PMPCB: variants seen among roughly 807,000 people sequenced by gnomAD.
The protein encoded by PMPCB is peptidase, mitochondrial processing subunit beta.
A neutral mutation model predicts 61.5 loss-of-function variants in PMPCB; 46 were observed. The observed-to-expected ratio is 0.75, with a 90% CI of 0.59 to 0.96. PMPCB has a LOEUF of 0.96. Ranked by LOEUF, PMPCB falls within the 40% of genes least tolerant of loss-of-function variation. The pLI is 0.00. For missense variants in PMPCB, 590 were observed against 602.4 expected, an observed-to-expected ratio of 0.98 and a Z score of 0.22; for synonymous variants, 191 against 201.6, an observed-to-expected ratio of 0.95 and a Z score of 0.44.
downstream of PMPCB, chr7:103,316,882 G>C: frequency 6.2e-7 from 1 of 1,613,924 alleles, no homozygotes; most frequent in Non-Finnish European, 8.5e-7. Flanking sequence ...AGTAATTGTA[G>C]ATCATCTTCT....
chr7:103,341,674 T>G, the PMPCB span: 1 of 1,123,916 alleles, frequency 8.9e-7, no homozygotes. Context: ...TGAATCATCT[T>G]AAAACATGTT....
At chr7:103,324,349 G>A in intron 12 of PMPCB, 1 of 683,064 alleles carries the variant, frequency 1.5e-6, no homozygotes. Flanking sequence ...TATCACATAG[G>A]TAACAGAGTG....
downstream of PMPCB, chr7:103,317,376 A>C: frequency 5.2e-6 from 1 of 190,804 alleles, no homozygotes; most frequent in East Asian, 1.3e-4. Flanking sequence ...AGACAATCTC[A>C]TTTATTCTCT....
At chr7:103,316,015 C>T (rs761281350), downstream of PMPCB, 1 of 1,600,628 alleles carries the variant, frequency 6.2e-7, no homozygotes, top group Non-Finnish European at 8.5e-7. Flanking sequence ...TTTGCTTTGC[C>T]AATAACATCT....
the PMPCB span, chr7:103,344,360 G>A: frequency 1.7e-6 from 1 of 604,232 alleles, no homozygotes; most frequent in East Asian, 2.9e-5. Context: ...CAAAAGGAAG[G>A]CACCCCTCAC....
intron 4 of PMPCB, among the ~76,000 whole-genome samples, chr7:103,301,091 A>G (rs940481114): frequency 3.9e-5 from 6 of 152,342 alleles, no homozygotes; most frequent in Middle Eastern, 3.4e-3. Context: ...GGCACTTAAC[A>G]CAAGTACTTT....
chr7:103,301,850 G>A (rs1016756500), intron 4 of PMPCB, among the ~76,000 whole-genome samples: 1 of 151,304 alleles, frequency 6.6e-6, no homozygotes, highest in Non-Finnish European at 1.5e-5. Context: ...TGTGTACAAC[G>A]TGCAGGTTTG....
downstream of PMPCB, among the ~76,000 whole-genome samples, chr7:103,317,681 C>T (rs943956950): frequency 6.6e-6 from 1 of 152,158 alleles, no homozygotes; most frequent in Non-Finnish European, 1.5e-5. Context: ...GGCAGAGTCT[C>T]ACTCTGTCGC....
chr7:103,314,454 T>C lies in PMPCB; in HGVS notation c.*2183T>C, dbSNP rs1441971962. 2 of 985,182 alleles carry C rather than the reference T, an allele frequency of 2.0e-6. No homozygotes were observed. Among genetic ancestry groups the C allele is most frequent in the Non-Finnish European group, 2.4e-6 (2 of 829,920 alleles). 61.0% of individuals were successfully genotyped at this position (985,182 alleles called of 1,614,324 possible). On this transcript the variant is annotated 3_prime_UTR_variant, in exon 13 of 13. Transcript: ENST00000249269. The stretch of plus-strand genomic sequence containing the variant: ...GCCAGTCACTCTTGCCTTCACAGGG[T>C]CACCTCTCCTCACAGAAAGCAGACT...
intron 5 of PMPCB, 90 bp from the exon 6 acceptor site, chr7:103,304,321 C>T (rs1027246119): frequency 5.1e-6 from 4 of 784,036 alleles, no homozygotes; most frequent in Non-Finnish European, 6.6e-6. Context: ...TTTTAGGATA[C>T]AGTTATGGTC....
At chr7:103,344,572 G>GTGGGTGATGGCGGTGCCC in the PMPCB span, 11 of 1,613,490 alleles carry the variant, frequency 6.8e-6, no homozygotes, top group Admixed American at 1.5e-4. Context: ...AGGTCAGAGC[G>GTGGGTGATGGCGGTGCCC]TGGGTGATGG....
chr7:103,332,161 C>T (rs996446215), downstream of PMPCB, among the ~76,000 whole-genome samples: 2 of 151,978 alleles, frequency 1.3e-5, no homozygotes, highest in African/African-American at 4.8e-5. Flanking sequence ...CCCGCCACCA[C>T]GCCTGCCTAA....
exon 13 of PMPCB, chr7:103,328,988 G>A: frequency 7.8e-7 from 1 of 1,278,474 alleles, no homozygotes; most frequent in Admixed American, 2.4e-5. Context: ...TTTTCCAAAA[G>A]GCAAACTATT....
chr7:103,315,372 A>T (rs1369385177), downstream of PMPCB, among the ~76,000 whole-genome samples: 2 of 152,176 alleles, frequency 1.3e-5, no homozygotes, highest in African/African-American at 4.8e-5. Context: ...TACAGACATG[A>T]TGCCTCTTTA....
downstream of PMPCB, chr7:103,315,660 C>T: frequency 1.5e-6 from 1 of 678,578 alleles, no homozygotes; most frequent in East Asian, 2.8e-5. Context: ...GTCTGCTAAA[C>T]ATTTTATTTC....
chr7:103,319,001 AAGG>A (rs1818231018), downstream of PMPCB, among the ~76,000 whole-genome samples: 1 of 152,072 alleles, frequency 6.6e-6, no homozygotes. Context: ...CACTTGAGGT[AAGG>A]AGTTTGAGAC....
intron 12 of PMPCB, among the ~76,000 whole-genome samples, chr7:103,325,128 T>A (rs1447802485): frequency 6.6e-6 from 1 of 152,040 alleles, no homozygotes; most frequent in Non-Finnish European, 1.5e-5. Context: ...TACTACTACT[T>A]TTTACCACCT....
chr7:103,332,986 C>T (rs1010730303), downstream of PMPCB, among the ~76,000 whole-genome samples: 18 of 152,158 alleles, frequency 1.2e-4, no homozygotes, highest in African/African-American at 3.9e-4. Flanking sequence ...CAAAAGTGTT[C>T]GGGATTTCAA....
intron 12 of PMPCB, chr7:103,326,503 C>T (rs1186469214): frequency 6.2e-7 from 1 of 1,605,736 alleles, no homozygotes; most frequent in East Asian, 2.2e-5. Context: ...AATAAACAAG[C>T]CAACAGGGCA....
Sources: allele counts gnomAD v4.1 joint callset (sites outside exome capture counted in the v4.1 genomes callset), GRCh38; gene constraint gnomAD v4.1.1; transcripts MANE v1.5; gene names NCBI Gene and HGNC (gene_info 2026-07-23, HGNC 2026-07-21).